Variants in PDCD11 observed in about 807,000 individuals in gnomAD.
PDCD11 encodes the protein programmed cell death 11, also known as protein RRP5 homolog.
Under a neutral mutation model 198.9 loss-of-function variants are expected in PDCD11, and 97 were observed. The ratio of observed to expected loss-of-function variants is 0.49; its 90% CI spans 0.41 to 0.58. The LOEUF (loss-of-function observed/expected upper bound fraction) is 0.58. PDCD11 is among the 20% of genes least tolerant of loss of function. PDCD11 has a pLI of 0.00. For synonymous variants in PDCD11, 893 were observed against 918.0 expected (o/e 0.97, Z 0.49); for missense variants, 2,102 against 2,312.7 (o/e 0.91, Z 1.87).
chr10:103,434,549 A>G, intron 24 of PDCD11, 199 bp downstream of exon 24: 1 of 598,354 alleles, frequency 1.7e-6, no homozygotes, highest in Admixed American at 3.0e-5. Context: ...AGTTACCTTT[A>G]CCTATACAGG....
chr10:103,426,990 TC>T (rs1374002174), intron 20 of PDCD11, among the ~76,000 whole-genome samples: 1 of 151,986 alleles, frequency 6.6e-6, no homozygotes, highest in Non-Finnish European at 1.5e-5. Context: ...ACACCTATAG[TC>T]CCAGCTACTT....
chr10:103,416,923 G>A (rs1173184200), intron 13 of PDCD11, among the ~76,000 whole-genome samples, 181 bp downstream of exon 13: 1 of 152,194 alleles, frequency 6.6e-6, no homozygotes, highest in Non-Finnish European at 1.5e-5. Flanking sequence ...CCTCAGCGGG[G>A]TTCAGCAGAA....
rs1458570288 is a variant in PDCD11, at chr10:103,423,524, C to G, written c.2648-19C>G. ...ACTCTGTTCCAGAAGGATAATCACA[C>G]TGTGGTTCTGCACTGCAGGGCAGGA... On this transcript the variant is annotated intron_variant, in intron 18 of 35. Transcript: ENST00000369797. 1 of 1,533,224 alleles carries G rather than the reference C, an allele frequency of 6.5e-7. No individual in the cohort carries two copies. The highest frequency in any genetic ancestry group is 9.0e-7 in the Non-Finnish European group (1 of 1,106,456). 95.0% of individuals were successfully genotyped at this position (1,533,224 alleles called of 1,614,324 possible).
At chr10:103,401,158 C>T (rs2030021909) in intron 3 of PDCD11, among the ~76,000 whole-genome samples, 1 of 152,172 alleles carries the variant, frequency 6.6e-6, no homozygotes, top group Non-Finnish European at 1.5e-5. Flanking sequence ...CTTTAGCAGT[C>T]ATTCTCATCT....
rs116354919 is a variant in PDCD11, at chr10:103,416,083, C to G, written c.1519-408C>G. Among the ~76,000 whole-genome samples, 1,162 of 152,248 alleles carry G rather than the reference C, an allele frequency of 7.6e-3. 19 individuals carry two copies. Among genetic ancestry groups the G allele is most frequent in the African/African-American group, 0.026 (1,090 of 41,540 alleles). ...CTGAAGGGGTGAAAGACAGTTGCAT[C>G]TCCATCTTATTTCATAGCTAATAAA... is the stretch of plus-strand genomic sequence containing the variant. On this transcript the variant is annotated intron_variant, in intron 12 of 35. Coordinates refer to ENST00000369797, the MANE Select transcript of PDCD11 (RefSeq NM_014976.2).
intron 22 of PDCD11, among the ~76,000 whole-genome samples, chr10:103,433,523 A>C (rs2032023156): frequency 6.6e-6 from 1 of 152,200 alleles, no homozygotes; most frequent in Non-Finnish European, 1.5e-5. Flanking sequence ...ATTGGAGTGC[A>C]TATTTAGGGC....
chr10:103,412,076 C>T (rs894336512), intron 8 of PDCD11, among the ~76,000 whole-genome samples: 2 of 152,030 alleles, frequency 1.3e-5, no homozygotes, highest in Admixed American at 6.5e-5. Flanking sequence ...GATCATCACT[C>T]ACTGCAGCCT....
intron 25 of PDCD11, 87 bp downstream of exon 25, chr10:103,435,062 C>G (rs2032095744): frequency 1.1e-6 from 1 of 945,428 alleles, no homozygotes; most frequent in Non-Finnish European, 1.5e-6. Context: ...GACTTTTTAT[C>G]AGAAAAACAG....
At chr10:103,440,644 TG>T (rs2032344754) in intron 29 of PDCD11, 63 bp downstream of exon 29, 1 of 1,611,286 alleles carries the variant, frequency 6.2e-7, no homozygotes, top group African/African-American at 1.3e-5. Context: ...CATGAGGGCG[TG>T]GGGACAGGGC....
chr10:103,443,112 G>A (rs1397806032), intron 32 of PDCD11, 53 bp from the exon 33 acceptor site: 12 of 1,492,328 alleles, frequency 8.0e-6, no homozygotes, highest in Admixed American at 6.0e-5. Context: ...TGGATGGGGC[G>A]GGAGGCTCAC....
At position 103,423,058 on chromosome 10, in the gene PDCD11, G is replaced by A; in HGVS notation, c.2568G>A (p.Val856=). 6.2e-7 allele frequency: 1 copy of A among 1,607,616 alleles called. No homozygotes were observed. Among genetic ancestry groups the A allele is most frequent in the Non-Finnish European group, 8.5e-7 (1 of 1,176,604 alleles). ...GMFLDLVVQE[V]LEDGSVVFSG... ...TCCTTGACCTAGTGGTGCAGGAGGT[G>A]TTGGAAGATGGCTCTGTGGTATTCA... The change falls in exon 18 of 36, where the codon GTG becomes GTA. Residue 856 remains valine, a synonymous_variant. Coordinates refer to ENST00000369797, the MANE Select transcript of PDCD11 (RefSeq NM_014976.2).
chr10:103,433,905 T>G, intron 22 of PDCD11, 43 bp from the exon 23 acceptor site: 1 of 1,438,874 alleles, frequency 6.9e-7, no homozygotes, highest in Non-Finnish European at 9.8e-7. Context: ...CGGGAAACCT[T>G]GTATTTGTAT....
At chr10:103,400,226 C>CT (rs113535367) in intron 2 of PDCD11, among the ~76,000 whole-genome samples, 171 bp from the exon 3 acceptor site, 14,640 of 135,280 alleles carry the variant, frequency 0.11, 921 homozygotes, top group Non-Finnish European at 0.14. Flanking sequence ...GGCCCCCCCC[C>CT]TTTTTTTTTT....
chr10:103,443,771 C>T, intron 33 of PDCD11, 144 bp from the exon 34 acceptor site: 1 of 800,332 alleles, frequency 1.2e-6, no homozygotes, highest in Non-Finnish European at 2.1e-6. Context: ...CCCTCCCGCT[C>T]CTCTCAGGTC....
chr10:103,426,650 G>A (rs925263189), intron 20 of PDCD11, among the ~76,000 whole-genome samples: 10 of 151,830 alleles, frequency 6.6e-5, no homozygotes, highest in East Asian at 3.9e-4. Context: ...AAAATTAGCC[G>A]GGCACAGTGC....
intron 17 of PDCD11, among the ~76,000 whole-genome samples, chr10:103,421,977 A>G: frequency 6.8e-6 from 1 of 147,844 alleles, no homozygotes. Context: ...CCGTCTCAAA[A>G]AAAAAAAAAA....
At chr10:103,434,751 C>T in intron 24 of PDCD11, 47 bp from the exon 25 acceptor site, 1 of 1,535,206 alleles carries the variant, frequency 6.5e-7, no homozygotes, top group South Asian at 1.2e-5. Context: ...CCCGCTCCTC[C>T]CTTAGCTCAT....
At chr10:103,442,130 C>T in intron 31 of PDCD11, 83 bp from the exon 32 acceptor site, 1 of 1,577,892 alleles carries the variant, frequency 6.3e-7, no homozygotes, top group South Asian at 1.2e-5. Context: ...CTGGGCTGCC[C>T]AGCCAACTCG....
At chr10:103,432,065 G>T in intron 21 of PDCD11, 64 bp from the exon 22 acceptor site, 1 of 1,250,444 alleles carries the variant, frequency 8.0e-7, no homozygotes, top group Middle Eastern at 1.9e-4. Context: ...TGGGAGAGAT[G>T]GTTTCAAACT....
Sources: gnomAD v4.1 joint callset for allele counts (sites outside exome capture counted in the v4.1 genomes callset) on GRCh38, gnomAD v4.1.1 for gene constraint, MANE v1.5 for transcripts, NCBI Gene and HGNC (gene_info 2026-07-23, HGNC 2026-07-21) for gene names.